Variants in PPP2R2A observed in about 807,000 individuals in gnomAD.
PPP2R2A encodes serine/threonine-protein phosphatase 2A 55 kDa regulatory subunit B alpha isoform.
PPP2R2A carries 9 observed loss-of-function variants against 53.2 expected under a neutral mutation model. The observed-to-expected ratio is 0.17, with a 90% CI of 0.10 to 0.30. PPP2R2A has a LOEUF of 0.30. PPP2R2A is among the 10% of genes least tolerant of loss of function. The probability of loss-of-function intolerance (pLI) is 1.00; values close to 1 mark genes in which losing one functional copy is unlikely to be tolerated. For missense variants in PPP2R2A, 235 were observed against 534.6 expected, an observed-to-expected ratio of 0.44 and a Z score of 5.53; for synonymous variants, 169 against 174.2, an observed-to-expected ratio of 0.97 and a Z score of 0.23.
intron 2 of PPP2R2A, among the ~76,000 whole-genome samples, chr8:26,302,395 T>C (rs568140909): frequency 9.8e-5 from 15 of 152,366 alleles, no homozygotes; most frequent in African/African-American, 3.4e-4. Context: ...TTTTTGATAC[T>C]ATGTAATGTG....
At chr8:26,314,180 TC>T (rs1231121176) in intron 2 of PPP2R2A, among the ~76,000 whole-genome samples, 1 of 152,208 alleles carries the variant, frequency 6.6e-6, no homozygotes, top group African/African-American at 2.4e-5. Context: ...CTGGAGTACT[TC>T]GTTTCGTTTT....
chr8:26,292,609 A>G (rs1290265718), intron 1 of PPP2R2A, among the ~76,000 whole-genome samples: 2 of 152,180 alleles, frequency 1.3e-5, no homozygotes, highest in Non-Finnish European at 2.9e-5. Flanking sequence ...TTTGAAGGGG[A>G]GGGGAAAGGA....
intron 2 of PPP2R2A, among the ~76,000 whole-genome samples, chr8:26,325,498 A>G (rs1371287744): frequency 6.6e-6 from 1 of 152,166 alleles, no homozygotes. Flanking sequence ...AAAACGGACT[A>G]ATACAGTTGT....
At position 26,311,045 on chromosome 8, in the gene PPP2R2A, T is replaced by C. The variant is rs867201143; in HGVS notation, c.82+17305T>C. Among the ~76,000 whole-genome samples, 17 of 152,322 alleles carry C rather than the reference T, an allele frequency of 1.1e-4. No individual in the cohort carries two copies. The Middle Eastern group carries it at 0.014, about 122-fold the overall frequency. On this transcript the variant is annotated intron_variant, in intron 2 of 9. Coordinates refer to ENST00000380737, the MANE Select transcript of PPP2R2A (RefSeq NM_002717.4). The stretch of plus-strand genomic sequence containing the variant: ...TAAATGAAGTGGATTTTTTTCCTTT[T>C]TCTTTTTTCTTTTTTGTTCAAGCAA...
At chr8:26,364,138 T>C (rs1805251811) in intron 8 of PPP2R2A, among the ~76,000 whole-genome samples, 2 of 152,160 alleles carry the variant, frequency 1.3e-5, no homozygotes, top group South Asian at 2.1e-4. Flanking sequence ...AGTATTGACA[T>C]TGTTTTTTTT....
At chr8:26,358,572 T>C (rs1804912487) in intron 4 of PPP2R2A, among the ~76,000 whole-genome samples, 1 of 152,212 alleles carries the variant, frequency 6.6e-6, no homozygotes, top group Non-Finnish European at 1.5e-5. Context: ...GGGGCAACTA[T>C]CATTCTTCTG....
At position 26,297,841 on chromosome 8, in the gene PPP2R2A, A is replaced by G. The variant is rs773776673; in HGVS notation, c.82+4101A>G. On this transcript the variant is annotated intron_variant, in intron 2 of 9. Coordinates refer to ENST00000380737, the MANE Select transcript of PPP2R2A (RefSeq NM_002717.4). ...GAGTCTTTGGAGTATGAGTATATTG[A>G]GGATTTGTCTTTAAAGCCTACTAAA... Among the ~76,000 whole-genome samples the G allele has an allele frequency of 2.4e-4, 37 of 152,332 alleles. No homozygotes were observed. The Middle Eastern group carries it at 0.014, about 56-fold the overall frequency.
chr8:26,366,315 G>A lies in PPP2R2A; in HGVS notation c.973G>A (p.Val325Met). ...CAGTATATTTGTATTTTTCCCCCAG[G>A]TGCATGAATACCTCAGAAGTAAACT... ...MENRPVETYQVHEYLRSKLCS... is the reference protein window; with the variant it reads ...MENRPVETYQMHEYLRSKLCS... Residue 325 changes from valine to methionine, a missense_variant and splice_region_variant, in exon 9 of 10, where the codon GTG becomes ATG. Physicochemically the swap from Val to Met is conservative, Grantham distance 21 (BLOSUM62 1). This residue lies in a region of PPP2R2A where 181 missense variants were observed against 409.9 expected (regional missense o/e 0.44). Coordinates refer to ENST00000380737, the MANE Select transcript of PPP2R2A (RefSeq NM_002717.4). The A allele has an allele frequency of 6.3e-7, 1 of 1,594,168 alleles. No individual in the cohort carries two copies. The highest frequency in any genetic ancestry group is 2.3e-5 in the East Asian group (1 of 44,308).
chr8:26,370,546 A>G lies in PPP2R2A; in HGVS notation c.*133A>G. Reference sequence around the variant, plus strand: ...GTTTGACAGTGTGCCATTCGACAACACATTGTTATAGCTACATGGAGAAAG... The same window carrying G: ...GTTTGACAGTGTGCCATTCGACAACGCATTGTTATAGCTACATGGAGAAAG... On this transcript the variant is annotated 3_prime_UTR_variant, in exon 10 of 10. Transcript: ENST00000380737. The surrounding 1 kb of genome is among the most constrained non-coding windows in gnomAD (Gnocchi z 6.1). 1.0e-6 allele frequency: 1 copy of G among 978,214 alleles called. No individual in the cohort carries two copies. The allele number at this position is 978,214 out of a possible 1,614,324, so 60.6% of individuals were successfully genotyped here. A position where few individuals can be genotyped will look rare whatever the true frequency, so the allele number is the denominator to read the frequency against.
intron 4 of PPP2R2A, among the ~76,000 whole-genome samples, chr8:26,355,600 C>G (rs1804736547): frequency 6.6e-6 from 1 of 152,072 alleles, no homozygotes; most frequent in African/African-American, 2.4e-5. Flanking sequence ...CGTGGTGGCT[C>G]ACGCCTGTAA....
At position 26,305,054 on chromosome 8, in the gene PPP2R2A, A is replaced by G. The variant is rs147539520; in HGVS notation, c.82+11314A>G. 7.2e-5 allele frequency among the ~76,000 whole-genome samples: 11 copies of G among 152,262 alleles called. No homozygotes were observed. In the East Asian group the frequency reaches 7.7e-4, roughly 11 times the overall value. On this transcript the variant is annotated intron_variant, in intron 2 of 9. Transcript: ENST00000380737. Reference sequence around the variant, plus strand: ...TTTCGTCTTGCAAAACTGAAACTCTATACCCGTTAAATAACTCCCTTCTTC... The same window carrying G: ...TTTCGTCTTGCAAAACTGAAACTCTGTACCCGTTAAATAACTCCCTTCTTC...
At chr8:26,341,230 T>C (rs980728897) in intron 3 of PPP2R2A, among the ~76,000 whole-genome samples, 1 of 152,188 alleles carries the variant, frequency 6.6e-6, no homozygotes, top group Admixed American at 6.5e-5. Context: ...TCTTGACTAT[T>C]AATTTGGTGT....
At position 26,371,907 on chromosome 8, in the gene PPP2R2A, T is replaced by C. The variant is rs1805680813; in HGVS notation, c.*1494T>C. 1 of 152,186 alleles carries C rather than the reference T, an allele frequency of 6.6e-6. No homozygotes were observed. The highest frequency in any genetic ancestry group is 2.4e-5 in the African/African-American group (1 of 41,452). The allele number at this position is 152,186 out of a possible 1,614,324, so 9.4% of individuals were successfully genotyped here. A position where few individuals can be genotyped will look rare whatever the true frequency, so the allele number is the denominator to read the frequency against. On this transcript the variant is annotated 3_prime_UTR_variant, in exon 10 of 10. Coordinates refer to ENST00000380737, the MANE Select transcript of PPP2R2A (RefSeq NM_002717.4). ...TTAATGGAGAAGAAATGGACTTTATTTTTGAAAGGTGAAATGAACAGGCAT... is the reference window on the plus strand; with the variant it reads ...TTAATGGAGAAGAAATGGACTTTATCTTTGAAAGGTGAAATGAACAGGCAT...
At chr8:26,293,531 G>C (rs1801404076) in intron 1 of PPP2R2A, 135 bp from the exon 2 acceptor site, 1 of 820,946 alleles carries the variant, frequency 1.2e-6, no homozygotes, top group African/African-American at 1.7e-5. Context: ...TTCCAAACTG[G>C]TGCTCTTGGT....
intron 1 of PPP2R2A, chr8:26,293,119 T>A: frequency 1.0e-6 from 1 of 963,734 alleles, no homozygotes; most frequent in Non-Finnish European, 1.5e-6. Flanking sequence ...TCATTTCGGT[T>A]TCTTTTCCTC....
At chr8:26,322,388 A>G (rs940772143) in intron 2 of PPP2R2A, among the ~76,000 whole-genome samples, 2 of 152,218 alleles carry the variant, frequency 1.3e-5, no homozygotes, top group Non-Finnish European at 2.9e-5. Context: ...CTACTGTACT[A>G]GACAGTGCAG....
chr8:26,349,072 G>A (rs1804361810), intron 3 of PPP2R2A, among the ~76,000 whole-genome samples: 1 of 152,058 alleles, frequency 6.6e-6, no homozygotes, highest in African/African-American at 2.4e-5. Flanking sequence ...TTATAACTTA[G>A]GTGACAAGGT....
At chr8:26,322,719 A>G (rs1193709507) in intron 2 of PPP2R2A, among the ~76,000 whole-genome samples, 2 of 152,204 alleles carry the variant, frequency 1.3e-5, no homozygotes, top group African/African-American at 4.8e-5. Context: ...ATATAAAAGT[A>G]GGGGAAAATC....
chr8:26,321,834 TG>T lies in PPP2R2A; in HGVS notation c.83-17053del, dbSNP rs1262270726. The stretch of plus-strand genomic sequence containing the variant: ...GTTTGTTGTTTTAAGCTGCTACCTT[TG>T]GGACAATTTTTAAGGCAGCAATAGA... On this transcript the variant is annotated intron_variant, in intron 2 of 9. Coordinates refer to ENST00000380737, the MANE Select transcript of PPP2R2A (RefSeq NM_002717.4). This position sits in a 1 kb window ranked among gnomAD's most constrained non-coding sequence, Gnocchi z 4.1. 6.6e-6 allele frequency among the ~76,000 whole-genome samples: 1 copy of T among 152,238 alleles called. No individual in the cohort carries two copies. Among genetic ancestry groups the T allele is most frequent in the Non-Finnish European group, 1.5e-5 (1 of 68,034 alleles).
Sources: allele counts gnomAD v4.1 joint callset (sites outside exome capture counted in the v4.1 genomes callset), GRCh38; gene constraint gnomAD v4.1.1; regional missense constraint gnomAD v4.1.1; non-coding constraint Gnocchi (gnomAD v3.1); transcripts MANE v1.5; gene names NCBI Gene and HGNC (gene_info 2026-07-23, HGNC 2026-07-21).